Variants in NRG3 observed in about 807,000 individuals in gnomAD.
The protein encoded by NRG3 is neuregulin 3.
In NRG3, 31 loss-of-function variants were observed where a neutral mutation model predicts 66.9. The observed-to-expected ratio is 0.46, with a 90% CI of 0.35 to 0.63. The LOEUF is 0.63. NRG3 is among the 20% of genes least tolerant of loss of function. NRG3 has a pLI of 0.00. For synonymous variants in NRG3, 393 were observed against 359.4 expected (o/e 1.09, Z -1.06); for missense variants, 910 against 878.9 (o/e 1.04, Z -0.45).
intron 2 of NRG3, among the ~76,000 whole-genome samples, chr10:82,365,603 C>G (rs1268743223): frequency 6.6e-6 from 1 of 152,088 alleles, no homozygotes; most frequent in Admixed American, 6.5e-5. Context: ...TTTTGTAATT[C>G]CATGACACTT....
rs560425072 is a variant in NRG3 at position 82,445,903 on chromosome 10, A to G, written c.953+87035A>G. On this transcript the variant is annotated intron_variant, in intron 2 of 8. Coordinates refer to ENST00000372141, the MANE Select transcript of NRG3 (RefSeq NM_001010848.4). ...TTATTCTTAGCTTTACATTCAGGCT[A>G]CTTTACTATCTGGCCTCAACATACC... is the stretch of plus-strand genomic sequence containing the variant. 7.9e-5 allele frequency among the ~76,000 whole-genome samples: 12 copies of G among 152,326 alleles called. No homozygotes were observed. The East Asian group carries it at 1.9e-3, about 25-fold the overall frequency.
chr10:82,047,818 G>A (rs2063381171), intron 1 of NRG3, among the ~76,000 whole-genome samples: 1 of 152,088 alleles, frequency 6.6e-6, no homozygotes, highest in Admixed American at 6.6e-5. Flanking sequence ...ATTGGATAGA[G>A]TCAATACCCA....
At chr10:82,731,383 A>G (rs991686632) in intron 2 of NRG3, among the ~76,000 whole-genome samples, 6 of 46,574 alleles carry the variant, frequency 1.3e-4, no homozygotes, top group African/African-American at 2.9e-4. Flanking sequence ...AAAAAAAAAA[A>G]AAAGAAAATG....
chr10:82,022,925 TA>T (rs1373716665), intron 1 of NRG3, among the ~76,000 whole-genome samples: 2 of 150,782 alleles, frequency 1.3e-5, no homozygotes, highest in Non-Finnish European at 3.0e-5. Flanking sequence ...TTATTATATA[TA>T]AAAATTATAT....
At chr10:82,495,305 A>G (rs1843518081) in intron 2 of NRG3, among the ~76,000 whole-genome samples, 1 of 152,170 alleles carries the variant, frequency 6.6e-6, no homozygotes, top group Non-Finnish European at 1.5e-5. Context: ...ATGGTTTTAA[A>G]GTTGACCCTT....
At chr10:82,777,433 G>C (rs2059952402) in intron 3 of NRG3, among the ~76,000 whole-genome samples, 1 of 152,112 alleles carries the variant, frequency 6.6e-6, no homozygotes, top group Non-Finnish European at 1.5e-5. Context: ...GTAGAGCTGA[G>C]GGCCTGGGCT....
intron 1 of NRG3, among the ~76,000 whole-genome samples, chr10:82,245,978 G>GT (rs372596396): frequency 0.21 from 21,244 of 102,928 alleles, 2,190 homozygotes; most frequent in East Asian, 0.27. Context: ...CAGTCTTCTG[G>GT]TTTTTTTTTT....
rs565443854 is a variant in NRG3 at position 81,934,942 on chromosome 10, C to T, written c.823+58779C>T. ...GCCAAGCCTCAATTAACTGCTGACA[C>T]TAAGAGGCCTTCACTCCAGAAGTAG... On this transcript the variant is annotated intron_variant, in intron 1 of 8. Transcript: ENST00000372141. Among the ~76,000 whole-genome samples, 4 of 152,328 alleles carry T rather than the reference C, an allele frequency of 2.6e-5. No homozygotes were observed. The South Asian group carries it at 8.3e-4, about 32-fold the overall frequency.
At chr10:82,258,699 AG>A (rs1376824128) in intron 1 of NRG3, among the ~76,000 whole-genome samples, 16 of 152,220 alleles carry the variant, frequency 1.1e-4, no homozygotes, top group Admixed American at 3.9e-4. Context: ...ATATGTTTAT[AG>A]GTTGCCTTAT....
intron 7 of NRG3, among the ~76,000 whole-genome samples, chr10:82,974,596 T>G (rs1406837504): frequency 6.6e-6 from 1 of 152,244 alleles, no homozygotes; most frequent in Non-Finnish European, 1.5e-5. Flanking sequence ...AATGCTAGAT[T>G]GTGTTCAGAT....
chr10:82,623,547 G>A (rs1201599301), intron 2 of NRG3, among the ~76,000 whole-genome samples: 2 of 152,110 alleles, frequency 1.3e-5, no homozygotes, highest in East Asian at 3.9e-4. Context: ...TTCAGGGATA[G>A]TTACATGGCT....
chr10:82,540,725 C>T (rs1398638250), intron 2 of NRG3, among the ~76,000 whole-genome samples: 2 of 151,998 alleles, frequency 1.3e-5, no homozygotes, highest in Admixed American at 6.6e-5. Context: ...CCAGTTTTCT[C>T]ACTATTGGAG....
At chr10:82,121,842 T>G (rs763420707) in intron 1 of NRG3, among the ~76,000 whole-genome samples, 14 of 152,232 alleles carry the variant, frequency 9.2e-5, no homozygotes, top group Non-Finnish European at 1.9e-4. Context: ...CTCACTGTGT[T>G]GCACAGACTA....
intron 4 of NRG3, among the ~76,000 whole-genome samples, chr10:82,888,687 G>A (rs1022786924): frequency 1.1e-4 from 17 of 151,998 alleles, no homozygotes; most frequent in Non-Finnish European, 2.5e-4. Context: ...TTCTAGCAGG[G>A]GAGACTAAAT....
intron 2 of NRG3, among the ~76,000 whole-genome samples, chr10:82,596,744 G>C (rs1040419087): frequency 1.3e-5 from 2 of 152,204 alleles, no homozygotes; most frequent in African/African-American, 4.8e-5. Context: ...GACAATCTGA[G>C]AGTGGAGGCC....
At chr10:82,933,512 C>G (rs1847781798) in intron 4 of NRG3, among the ~76,000 whole-genome samples, 1 of 152,210 alleles carries the variant, frequency 6.6e-6, no homozygotes. Context: ...ACCTACCACA[C>G]TATTTCCTAT....
chr10:82,038,351 G>C (rs1211385430), intron 1 of NRG3, among the ~76,000 whole-genome samples: 2 of 152,012 alleles, frequency 1.3e-5, no homozygotes, highest in Non-Finnish European at 2.9e-5. Context: ...CAAACACCAG[G>C]CTGTATCTAA....
chr10:82,507,893 A>G (rs1844830383), intron 2 of NRG3, among the ~76,000 whole-genome samples: 1 of 152,214 alleles, frequency 6.6e-6, no homozygotes, highest in Non-Finnish European at 1.5e-5. Flanking sequence ...AATACAGTGG[A>G]AGATCAGATA....
intron 2 of NRG3, among the ~76,000 whole-genome samples, chr10:82,470,790 G>A (rs138921729): frequency 6.6e-6 from 1 of 152,292 alleles, no homozygotes; most frequent in East Asian, 1.9e-4. Flanking sequence ...CCAGAAACAA[G>A]TCTCAGCTCC....
Sources: allele counts gnomAD v4.1 joint callset (sites outside exome capture counted in the v4.1 genomes callset), GRCh38; gene constraint gnomAD v4.1.1; transcripts MANE v1.5; gene names NCBI Gene and HGNC (gene_info 2026-07-23, HGNC 2026-07-21).